Variants in MAT1A observed in about 807,000 individuals in gnomAD.
MAT1A encodes S-adenosylmethionine synthase isoform type-1.
In MAT1A, 19 loss-of-function variants were observed where a neutral mutation model predicts 44.0. The ratio of observed to expected loss-of-function variants is 0.43; its 90% CI spans 0.30 to 0.63. The LOEUF is 0.63. MAT1A is among the 30% of genes least tolerant of loss of function. The pLI, the probability that MAT1A is intolerant of heterozygous loss-of-function variation, is 0.12. For synonymous variants in MAT1A, 205 were observed against 205.6 expected (o/e 1.00, Z 0.03); for missense variants, 397 against 531.0 (o/e 0.75, Z 2.48).
intron 3 of MAT1A, among the ~76,000 whole-genome samples, chr10:80,282,285 G>C (rs1841577302): frequency 6.6e-6 from 1 of 152,168 alleles, no homozygotes; most frequent in South Asian, 2.1e-4. Flanking sequence ...AGGACAATGA[G>C]CCCAGCAACA....
chr10:80,280,547 G>T, intron 4 of MAT1A, 133 bp downstream of exon 4: 1 of 1,003,512 alleles, frequency 1.0e-6, no homozygotes. Flanking sequence ...GCACGGCCGT[G>T]AAGCTGGGGT....
intron 2 of MAT1A, among the ~76,000 whole-genome samples, chr10:80,284,998 T>C (rs1057096123): frequency 6.6e-6 from 1 of 152,242 alleles, no homozygotes; most frequent in Non-Finnish European, 1.5e-5. Context: ...GTTGCCTTCC[T>C]GTTGCTATTA....
intron 3 of MAT1A, among the ~76,000 whole-genome samples, chr10:80,281,827 C>G (rs1027856485): frequency 6.6e-6 from 1 of 152,208 alleles, no homozygotes; most frequent in African/African-American, 2.4e-5. Context: ...CCAACATGAA[C>G]TCAAGTTTAG....
Position 80,283,931 on chromosome 10 carries a change from C to A in MAT1A, c.277G>T (p.Asp93Tyr), listed in dbSNP as rs762357538. Residue 93 changes from aspartate to tyrosine, a missense_variant, in exon 3 of 9, where the codon GAT becomes TAT. Asp to Tyr is a radical substitution (Grantham distance 160). Coordinates refer to ENST00000372213, the MANE Select transcript of MAT1A (RefSeq NM_000429.3). ...CTGCCCTCACCCTTGGCTGAGTCAT[C>A]GTAGCCGATGTGCTTGATGGTGTCC... ...VRDTIKHIGY[D>Y]DSAKGFDFKT... The A allele has an allele frequency of 6.2e-7, 1 of 1,614,196 alleles. No homozygotes were observed. The highest frequency in any genetic ancestry group is 1.7e-5 in the Admixed American group (1 of 60,030).
chr10:80,283,099 A>C (rs1190288033), intron 3 of MAT1A, among the ~76,000 whole-genome samples: 1 of 152,216 alleles, frequency 6.6e-6, no homozygotes, highest in Non-Finnish European at 1.5e-5. Context: ...AATGCCAGAG[A>C]CCAACGTGGA....
intron 1 of MAT1A, among the ~76,000 whole-genome samples, chr10:80,288,532 T>TCTAC (rs1231275252): frequency 1.3e-5 from 2 of 152,206 alleles, no homozygotes; most frequent in Admixed American, 6.5e-5. Flanking sequence ...CACATCACAG[T>TCTAC]CTACCTACTT....
intron 6 of MAT1A, 197 bp from the exon 7 acceptor site, chr10:80,275,396 A>AG: frequency 3.2e-6 from 2 of 619,062 alleles, no homozygotes; most frequent in Non-Finnish European, 5.8e-6. Context: ...TATTGAAAAC[A>AG]GGTAACCTGC....
intron 1 of MAT1A, among the ~76,000 whole-genome samples, chr10:80,288,791 A>G (rs1248334949): frequency 2.0e-5 from 3 of 152,208 alleles, no homozygotes; most frequent in Non-Finnish European, 4.4e-5. Context: ...CTAAAAAAAA[A>G]ATACATATAA....
intron 7 of MAT1A, 106 bp downstream of exon 7, chr10:80,274,911 G>T: frequency 2.9e-6 from 4 of 1,398,232 alleles, no homozygotes; most frequent in Non-Finnish European, 3.9e-6. Context: ...CACAACCTTT[G>T]GCAAAGCATG....
chr10:80,274,624 C>T lies in MAT1A; in HGVS notation c.981G>A (p.Pro327=), dbSNP rs149163315. 227 of 1,614,146 alleles carry T rather than the reference C, an allele frequency of 1.4e-4. No homozygotes were observed. The highest frequency in any genetic ancestry group is 1.7e-4 in the Non-Finnish European group (203 of 1,180,014). The part of the protein sequence containing the change: ...QVSYAIGVAE[P]LSISIFTYGT... The stretch of plus-strand genomic sequence containing the variant: ...CGTAGGTGAAGATGGAAATGGACAG[C>T]GGCTCGGCCACACCAATGGCATAGG... Residue 327 remains proline (P), a synonymous_variant, in exon 8 of 9, where the codon CCG becomes CCA. Coordinates refer to ENST00000372213, the MANE Select transcript of MAT1A (RefSeq NM_000429.3).
intron 3 of MAT1A, among the ~76,000 whole-genome samples, chr10:80,283,111 A>G (rs1487585792): frequency 6.6e-6 from 1 of 152,124 alleles, no homozygotes; most frequent in African/African-American, 2.4e-5. Flanking sequence ...CAACGTGGAG[A>G]CTCTAAGAAT....
rs751830345 is a variant in MAT1A, at chr10:80,276,363, G to A, written c.768+13C>T. 2 of 1,613,592 alleles carry A rather than the reference G, an allele frequency of 1.2e-6. No individual in the cohort carries two copies. The highest frequency in any genetic ancestry group is 1.3e-5 in the African/African-American group (1 of 74,952). ...AAGACAAACCAGGGCTTCGTTCAGAGACAAGAATGCACCTGGGGACCTCCG... is the reference window on the plus strand; with the variant it reads ...AAGACAAACCAGGGCTTCGTTCAGAAACAAGAATGCACCTGGGGACCTCCG... On this transcript the variant is annotated intron_variant, in intron 6 of 8. Transcript: ENST00000372213.
intron 8 of MAT1A, 56 bp from the exon 9 acceptor site, chr10:80,273,939 T>C (rs905532526): frequency 1.6e-6 from 2 of 1,257,696 alleles, no homozygotes; most frequent in African/African-American, 1.5e-5. Flanking sequence ...GCAGGGTTTC[T>C]TTCTCCATTT....
rs1190441933 is a variant in MAT1A, at chr10:80,271,928, G to T, written c.*1853C>A. ...AAAAAAGATCTTATTTCTCTAGAGG[G>T]TAGGGAAAGTATAAAATTCTGAATT... is the stretch of plus-strand genomic sequence containing the variant. On this transcript the variant is annotated 3_prime_UTR_variant, in exon 9 of 9. Transcript: ENST00000372213. The T allele has an allele frequency of 4.6e-5, 7 of 152,180 alleles. No homozygotes were observed. In the South Asian group the frequency reaches 1.2e-3, roughly 27 times the overall value. The allele number at this position is 152,180 out of a possible 1,614,324, so 9.4% of individuals were successfully genotyped here.
Position 80,283,921 on chromosome 10 carries a change from G to A in MAT1A, c.287C>T (p.Ala96Val), listed in dbSNP as rs929799830. The A allele has an allele frequency of 3.1e-6, 5 of 1,613,996 alleles. No homozygotes were observed. In the African/African-American group the frequency reaches 6.7e-5, roughly 22 times the overall value. ...ACCCGGAGGCCTGCCCTCACCCTTG[G>A]CTGAGTCATCGTAGCCGATGTGCTT... ...TIKHIGYDDS[A>V]KGFDFKTCNV... The change falls in exon 3 of 9, where the codon GCC becomes GTC. Residue 96 changes from alanine to valine, a missense_variant. Physicochemically the swap from Ala to Val is moderately conservative, Grantham distance 64. Transcript: ENST00000372213.
intron 8 of MAT1A, among the ~76,000 whole-genome samples, chr10:80,274,134 A>G (rs1224923629): frequency 6.6e-6 from 1 of 151,740 alleles, no homozygotes; most frequent in African/African-American, 2.4e-5. Flanking sequence ...TTCTCCTCCC[A>G]CTCCACTTAC....
Position 80,280,287 on chromosome 10 carries a change from CTCG to C in MAT1A, c.432_434del (p.Asp144del). 6.2e-7 allele frequency: 1 copy of C among 1,614,138 alleles called. No individual in the cohort carries two copies. Among genetic ancestry groups the C allele is most frequent in the Non-Finnish European group, 8.5e-7 (1 of 1,180,030 alleles). On this transcript the variant is annotated inframe_deletion, in exon 5 of 9. Coordinates refer to ENST00000372213, the MANE Select transcript of MAT1A (RefSeq NM_000429.3). ...TGGTGAGGGGCATGCACTCCTCTGT[CTCG>C]TCGGTAGCATAGCCGAACATCAAAC... is the stretch of plus-strand genomic sequence containing the variant.
intron 3 of MAT1A, among the ~76,000 whole-genome samples, chr10:80,282,869 G>A (rs373625417): frequency 2.6e-5 from 4 of 152,220 alleles, no homozygotes; most frequent in Middle Eastern, 3.4e-3. Flanking sequence ...CCTAGACAAC[G>A]ATTATGTGAC....
At position 80,273,712 on chromosome 10, in the gene MAT1A, G is replaced by C. The variant is rs1841441231; in HGVS notation, c.*69C>G. The C allele has an allele frequency of 7.2e-6, 8 of 1,117,060 alleles. 1 individual carries two copies. The highest frequency in any genetic ancestry group is 1.7e-5 in the Admixed American group (1 of 59,312). The allele number at this position is 1,117,060 out of a possible 1,614,324, so 69.2% of individuals were successfully genotyped here. A position where few individuals can be genotyped will look rare whatever the true frequency, so the allele number is the denominator to read the frequency against. On this transcript the variant is annotated 3_prime_UTR_variant, in exon 9 of 9. Coordinates refer to ENST00000372213, the MANE Select transcript of MAT1A (RefSeq NM_000429.3). ...GGTGGGGAAGGCGATCAGCAGCCAG[G>C]CGTCTGGGGAAGAGGAGCATGGCCA... is the stretch of plus-strand genomic sequence containing the variant.
Sources: gnomAD v4.1 joint callset for allele counts (sites outside exome capture counted in the v4.1 genomes callset) on GRCh38, gnomAD v4.1.1 for gene constraint, MANE v1.5 for transcripts, NCBI Gene and HGNC (gene_info 2026-07-23, HGNC 2026-07-21) for gene names.